The following TICRR variants were observed in gnomAD, a reference collection of about 807,000 sequenced individuals.
The protein encoded by TICRR is TOPBP1 interacting checkpoint and replication regulator.
Under a neutral mutation model 178.1 loss-of-function variants are expected in TICRR, and 132 were observed. The observed-to-expected ratio is 0.74, with a 90% CI of 0.64 to 0.86. The LOEUF (loss-of-function observed/expected upper bound fraction) is 0.86. TICRR is among the 40% of genes least tolerant of loss of function. The pLI is 0.00. For missense variants in TICRR, 2,587 were observed against 2,334.3 expected (o/e 1.11, Z -2.23); for synonymous variants, 991 against 900.7 (o/e 1.10, Z -1.79).
Position 89,582,980 on chromosome 15 carries a change from T to C in TICRR, c.934+15T>C. On this transcript the variant is annotated intron_variant, in intron 2 of 21. Coordinates refer to ENST00000268138, the MANE Select transcript of TICRR (RefSeq NM_152259.4). Reference sequence around the variant, plus strand: ...CCCTGTTGAAGGTAAGCAAATAATATTTTAAGGTTTTTTTTTTTTTAAATC... The same window carrying C: ...CCCTGTTGAAGGTAAGCAAATAATACTTTAAGGTTTTTTTTTTTTTAAATC... The C allele has an allele frequency of 5.1e-6, 8 of 1,570,768 alleles. No individual in the cohort carries two copies. The South Asian group carries it at 7.2e-5, about 14-fold the overall frequency.
At chr15:89,586,266 T>C (rs1212713188) in intron 4 of TICRR, among the ~76,000 whole-genome samples, 1 of 152,202 alleles carries the variant, frequency 6.6e-6, no homozygotes, top group Non-Finnish European at 1.5e-5. Flanking sequence ...AAATGCATTG[T>C]TACTACTAAA....
chr15:89,617,328 TAATTA>T (rs1472828946), intron 16 of TICRR, among the ~76,000 whole-genome samples: 1 of 152,240 alleles, frequency 6.6e-6, no homozygotes, highest in Non-Finnish European at 1.5e-5. Flanking sequence ...TATATATTTT[TAATTA>T]AATTTTTTAT....
At chr15:89,618,832 TC>T (rs1289850806) in intron 17 of TICRR, among the ~76,000 whole-genome samples, 2 of 152,186 alleles carry the variant, frequency 1.3e-5, no homozygotes, top group Non-Finnish European at 2.9e-5. Context: ...GTTGGCATAC[TC>T]CTATGGTCCC....
chr15:89,604,684 T>G (rs569121590), intron 13 of TICRR, among the ~76,000 whole-genome samples: 1 of 149,674 alleles, frequency 6.7e-6, no homozygotes, highest in African/African-American at 2.5e-5. Context: ...GGTAGGAGGA[T>G]CGCTTGAGCC....
chr15:89,602,738 G>C (rs1963117491), intron 12 of TICRR, 58 bp from the exon 13 acceptor site: 3 of 821,842 alleles, frequency 3.7e-6, no homozygotes, highest in East Asian at 3.4e-5. Context: ...AGTTCCATTT[G>C]AATTTAACTA....
rs2141986298 is a variant in TICRR, at chr15:89,625,599, T to C, written c.5289T>C (p.Ser1763=). 1.2e-6 allele frequency: 2 copies of C among 1,613,136 alleles called. No homozygotes were observed. The highest frequency in any genetic ancestry group is 8.5e-7 in the Non-Finnish European group (1 of 1,180,008). ...GCATGCCTAAGGCCGAGGAAGCCTC[T>C]TCCTGGGGACAGTTTGGGTTGAGTT... is the stretch of plus-strand genomic sequence containing the variant. ...RNSMPKAEEA[S]SWGQFGLSSR... Residue 1763 remains serine (S), a synonymous_variant, in exon 20 of 22, where the codon TCT becomes TCC. Transcript: ENST00000268138.
At chr15:89,585,578 A>G (rs1962806695) in intron 3 of TICRR, 130 bp from the exon 4 acceptor site, 1 of 691,068 alleles carries the variant, frequency 1.4e-6, no homozygotes, top group Non-Finnish European at 2.5e-6. Context: ...TTAATGATCA[A>G]ATCTATCTTT....
In TICRR at chr15:89,585,876, T is replaced by A; in HGVS notation, c.1345T>A (p.Phe449Ile). ...CAGCCCCCGGGACACAGCTTCCCTT[T>A]TCTCAGATGTTGTGGATAGTATATT... The part of the protein sequence containing the change: ...ADSPRDTASL[F>I]SDVVDSILNQ... Residue 449 changes from phenylalanine to isoleucine, a missense_variant, in exon 4 of 22, where the codon TTC (phenylalanine) becomes ATC (isoleucine). Coordinates refer to ENST00000268138, the MANE Select transcript of TICRR (RefSeq NM_152259.4). 1 of 1,614,146 alleles carries A rather than the reference T, an allele frequency of 6.2e-7. No homozygotes were observed. The highest frequency in any genetic ancestry group is 1.3e-5 in the African/African-American group (1 of 75,016).
intron 5 of TICRR, among the ~76,000 whole-genome samples, chr15:89,592,924 T>A (rs758042936): frequency 8.5e-5 from 13 of 152,230 alleles, no homozygotes; most frequent in African/African-American, 1.9e-4. Flanking sequence ...GCCACCTTTG[T>A]GCAGATTGAT....
At position 89,627,592 on chromosome 15, in the gene TICRR, G is replaced by C. The variant is rs976567219; in HGVS notation, c.*506G>C. On this transcript the variant is annotated 3_prime_UTR_variant, in exon 22 of 22. Coordinates refer to ENST00000268138, the MANE Select transcript of TICRR (RefSeq NM_152259.4). ...CTGTGTAACAGTAAAATCATCTCTA[G>C]TGACTGAGCACTCAGTACATTTTTG... is the stretch of plus-strand genomic sequence containing the variant. 6.4e-6 allele frequency: 1 copy of C among 155,768 alleles called. No homozygotes were observed. The highest frequency in any genetic ancestry group is 2.4e-5 in the African/African-American group (1 of 41,504). 9.6% of individuals were successfully genotyped at this position (155,768 alleles called of 1,614,324 possible).
At chr15:89,588,185 TAAG>T (rs1259450900) in intron 4 of TICRR, among the ~76,000 whole-genome samples, 3 of 151,900 alleles carry the variant, frequency 2.0e-5, no homozygotes, top group Non-Finnish European at 4.4e-5. Context: ...AATGAAGACT[TAAG>T]GAGATGCTGG....
In TICRR at chr15:89,582,950, T is replaced by C; in HGVS notation, c.919T>C (p.Phe307Leu). 6.2e-7 allele frequency: 1 copy of C among 1,612,900 alleles called. No homozygotes were observed. The highest frequency in any genetic ancestry group is 8.5e-7 in the Non-Finnish European group (1 of 1,178,936). Residue 307 changes from phenylalanine to leucine, a missense_variant, in exon 2 of 22, where the codon TTT (phenylalanine) becomes CTT (leucine). By Grantham distance (22) the Phe-to-Leu change is conservative. Coordinates refer to ENST00000268138, the MANE Select transcript of TICRR (RefSeq NM_152259.4). ...GTTTCCACGAATGGAAGGAATGTTA[T>C]TTCTCCCTGTTGAAGGTAAGCAAAT... ...ASFPRMEGML[F>L]LPVEAGKEIQ...
At position 89,623,946 on chromosome 15, in the gene TICRR, G is replaced by A. The variant is rs1348818888; in HGVS notation, c.3636G>A (p.Trp1212Ter). The change falls in exon 20 of 22, where the codon TGG becomes TGA. Residue 1212 changes from tryptophan (W) to a stop codon, truncating the protein, a stop_gained. Coordinates refer to ENST00000268138, the MANE Select transcript of TICRR (RefSeq NM_152259.4). LOFTEE classifies it high-confidence loss of function. ...CTGGGTTTTTGCCAAACTGTACTTG[G>A]CCACATTCAGTGAATTCCAGTCCAG... ...QPPGFLPNCTWPHSVNSSPES... is the reference protein window; with the variant it reads ...QPPGFLPNCT 1 of 1,613,774 alleles carries A rather than the reference G, an allele frequency of 6.2e-7. No homozygotes were observed. The highest frequency in any genetic ancestry group is 8.5e-7 in the Non-Finnish European group (1 of 1,180,000).
intron 15 of TICRR, among the ~76,000 whole-genome samples, chr15:89,614,406 C>T (rs1003095295): frequency 6.6e-6 from 1 of 151,680 alleles, no homozygotes; most frequent in African/African-American, 2.4e-5. Flanking sequence ...CCTCAAACTC[C>T]CTGACTTCCT....
At chr15:89,602,321 A>G (rs1376724286) in intron 12 of TICRR, among the ~76,000 whole-genome samples, 1 of 152,208 alleles carries the variant, frequency 6.6e-6, no homozygotes, top group East Asian at 1.9e-4. Context: ...GGAAAAGCTA[A>G]TGTTCCAGCA....
intron 7 of TICRR, among the ~76,000 whole-genome samples, chr15:89,598,273 C>G (rs1298995293): frequency 6.6e-6 from 1 of 151,946 alleles, no homozygotes; most frequent in East Asian, 1.9e-4. Flanking sequence ...ACACCCGGCC[C>G]AGTTCCAGGA....
At chr15:89,619,911 A>C in intron 18 of TICRR, 69 bp downstream of exon 18, 1 of 1,531,520 alleles carries the variant, frequency 6.5e-7, no homozygotes, top group South Asian at 1.3e-5. Flanking sequence ...TGGGAAAAGA[A>C]GCAAGAAATT....
intron 1 of TICRR, among the ~76,000 whole-genome samples, chr15:89,582,059 G>A (rs1962735578): frequency 1.3e-5 from 2 of 152,114 alleles, no homozygotes; most frequent in Admixed American, 1.3e-4. Context: ...CACAGTGGCT[G>A]TTGCCTGTAG....
intron 15 of TICRR, among the ~76,000 whole-genome samples, chr15:89,613,933 T>C (rs1228510235): frequency 6.6e-6 from 1 of 152,032 alleles, no homozygotes; most frequent in Non-Finnish European, 1.5e-5. Flanking sequence ...GGCGGGTGGA[T>C]CACGAGGTCA....
Sources: gnomAD v4.1 joint callset for allele counts (sites outside exome capture counted in the v4.1 genomes callset) on GRCh38, gnomAD v4.1.1 for gene constraint, MANE v1.5 for transcripts, NCBI Gene and HGNC (gene_info 2026-07-23, HGNC 2026-07-21) for gene names.